GRIP1: variants seen among roughly 807,000 people sequenced by gnomAD.
GRIP1 encodes the protein glutamate receptor interacting protein 1, also known as glutamate receptor-interacting protein 1.
In GRIP1, 45 loss-of-function variants were observed where a neutral mutation model predicts 129.9. That is an observed-to-expected ratio of 0.35 (90% CI 0.27 to 0.44). The LOEUF (loss-of-function observed/expected upper bound fraction) is 0.44, where lower values mean the gene tolerates loss of function less well. Ranked by LOEUF, GRIP1 falls within the 20% of genes least tolerant of loss-of-function variation. The probability of loss-of-function intolerance (pLI) is 1.00; values close to 1 mark genes in which losing one functional copy is unlikely to be tolerated. For missense variants in GRIP1, 1,196 were observed against 1,396.8 expected, an observed-to-expected ratio of 0.86 and a Z score of 2.29; for synonymous variants, 530 against 520.8, an observed-to-expected ratio of 1.02 and a Z score of -0.24.
chr12:66,885,092 C>T (rs966337371), intron 1 of GRIP1, among the ~76,000 whole-genome samples: 4 of 152,166 alleles, frequency 2.6e-5, no homozygotes, highest in African/African-American at 7.2e-5. Context: ...TCCAATTAGC[C>T]TGGTGGATCC....
intron 20 of GRIP1, among the ~76,000 whole-genome samples, chr12:66,378,641 G>A (rs987777772): frequency 1.3e-5 from 2 of 151,932 alleles, no homozygotes; most frequent in Non-Finnish European, 2.9e-5. Flanking sequence ...CAGCTACTCG[G>A]GAGGCTGAGA....
chr12:66,633,825 G>A (rs545555348), intron 1 of GRIP1, among the ~76,000 whole-genome samples: 1 of 152,268 alleles, frequency 6.6e-6, no homozygotes, highest in South Asian at 2.1e-4. Context: ...CTATTGGCAA[G>A]GTCTTAACTG....
intron 11 of GRIP1, among the ~76,000 whole-genome samples, chr12:66,449,942 A>G (rs2058732061): frequency 6.6e-6 from 1 of 152,056 alleles, no homozygotes; most frequent in Non-Finnish European, 1.5e-5. Context: ...AGATTATCGG[A>G]CTACTTAATT....
At chr12:66,616,109 A>C (rs996525769) in intron 1 of GRIP1, among the ~76,000 whole-genome samples, 1 of 152,150 alleles carries the variant, frequency 6.6e-6, no homozygotes, top group Non-Finnish European at 1.5e-5. Context: ...CTTCCAGAGA[A>C]TCTGTATAGC....
chr12:66,804,057 A>G, exon 1 of GRIP1: 1 of 453,994 alleles, frequency 2.2e-6, no homozygotes, highest in South Asian at 1.6e-5. Context: ...GCTTACTTCG[A>G]AAATGCTCTG....
intron 1 of GRIP1, among the ~76,000 whole-genome samples, chr12:66,992,990 TG>T (rs1309363971): frequency 6.6e-6 from 1 of 152,130 alleles, no homozygotes; most frequent in Non-Finnish European, 1.5e-5. Flanking sequence ...GGCATGCACC[TG>T]TGGTCCCAGC....
chr12:66,413,334 C>G (rs1214831139), intron 15 of GRIP1, among the ~76,000 whole-genome samples: 1 of 152,148 alleles, frequency 6.6e-6, no homozygotes, highest in Non-Finnish European at 1.5e-5. Flanking sequence ...GGAAATTGAA[C>G]AGCCTGCCCC....
At chr12:66,986,466 G>A (rs963247270) in intron 1 of GRIP1, among the ~76,000 whole-genome samples, 28 of 149,310 alleles carry the variant, frequency 1.9e-4, no homozygotes, top group Middle Eastern at 6.8e-3. Context: ...AAGAAAATGT[G>A]GCACATATAC....
chr12:66,865,311 G>A (rs1485022855), intron 1 of GRIP1, among the ~76,000 whole-genome samples: 1 of 152,060 alleles, frequency 6.6e-6, no homozygotes, highest in African/African-American at 2.4e-5. Context: ...TTACTGTGAT[G>A]AAATTCCTGA....
intron 1 of GRIP1, among the ~76,000 whole-genome samples, chr12:66,752,588 A>G (rs2037163203): frequency 6.6e-6 from 1 of 152,180 alleles, no homozygotes; most frequent in African/African-American, 2.4e-5. Context: ...ATGTGATTTG[A>G]TGGCATAATA....
chr12:66,868,018 G>A (rs1051694687), intron 1 of GRIP1, among the ~76,000 whole-genome samples: 2 of 152,120 alleles, frequency 1.3e-5, no homozygotes, highest in African/African-American at 4.8e-5. Context: ...CAATTGGGAA[G>A]TAACGATTGA....
At chr12:66,723,315 T>TC (rs1565988233) in intron 1 of GRIP1, among the ~76,000 whole-genome samples, 2 of 92,718 alleles carry the variant, frequency 2.2e-5, no homozygotes, top group African/African-American at 1.0e-4. Flanking sequence ...TTTTTTTTTT[T>TC]TTTTTTTTTT....
chr12:66,355,123 T>C (rs2054418644), intron 23 of GRIP1, among the ~76,000 whole-genome samples: 1 of 152,106 alleles, frequency 6.6e-6, no homozygotes, highest in Admixed American at 6.5e-5. Context: ...CCGGTGAAAA[T>C]GCAGTCTCAG....
chr12:66,916,717 G>A (rs1378504752), intron 1 of GRIP1, among the ~76,000 whole-genome samples: 8 of 151,752 alleles, frequency 5.3e-5, no homozygotes, highest in African/African-American at 1.7e-4. Flanking sequence ...TATTAAAGGA[G>A]GCACAATAAG....
chr12:66,557,243 A>G (rs753006832), intron 2 of GRIP1, among the ~76,000 whole-genome samples: 10 of 152,184 alleles, frequency 6.6e-5, no homozygotes, highest in Non-Finnish European at 1.2e-4. Flanking sequence ...GGCTCATTAT[A>G]TAATGATAAA....
rs535564196 is a variant in GRIP1 at position 66,736,624 on chromosome 12, TATCTCAG to T, written c.-420+67422_-420+67428del. 3.8e-3 allele frequency among the ~76,000 whole-genome samples: 579 copies of T among 152,050 alleles called. 3 individuals carry two copies. The highest frequency in any genetic ancestry group is 0.013 in the African/African-American group (559 of 41,450). ...GAGGAAAAGAAGGGGTTGATGTTGC[TATCTCAG>T]GGGTGGCAGAGGTGGAAGAAAATCT... On this transcript the variant is annotated intron_variant, in intron 1 of 4. Coordinates refer to the GRIP1 transcript ENST00000538373.
intron 1 of GRIP1, among the ~76,000 whole-genome samples, chr12:66,980,751 C>G (rs907863768): frequency 2.0e-5 from 3 of 152,164 alleles, no homozygotes; most frequent in Non-Finnish European, 4.4e-5. Context: ...TTGATGACCC[C>G]AGGCAGACTG....
intron 1 of GRIP1, among the ~76,000 whole-genome samples, chr12:66,819,355 T>G (rs951713407): frequency 6.6e-6 from 1 of 152,214 alleles, no homozygotes; most frequent in Non-Finnish European, 1.5e-5. Flanking sequence ...GAAATATTAA[T>G]GTTTTAAAAT....
At position 66,770,595 on chromosome 12, in the gene GRIP1, C is replaced by T. The variant is rs149027421; in HGVS notation, c.-420+33458G>A. Among the ~76,000 whole-genome samples the T allele has an allele frequency of 2.3e-3, 348 of 152,132 alleles. 2 individuals are homozygous for T. The highest frequency in any genetic ancestry group is 7.2e-3 in the African/African-American group (299 of 41,508). On this transcript the variant is annotated intron_variant, in intron 1 of 4. Coordinates refer to the GRIP1 transcript ENST00000538373. ...CTGGGGCAAGCCAATGTTAGAGGCC[C>T]GTAAAGTGGCCAGACACAAGCAGGG... is the stretch of plus-strand genomic sequence containing the variant.
Sources: gnomAD v4.1 joint callset for allele counts (sites outside exome capture counted in the v4.1 genomes callset) on GRCh38, gnomAD v4.1.1 for gene constraint, MANE v1.5 for transcripts, NCBI Gene and HGNC (gene_info 2026-07-23, HGNC 2026-07-21) for gene names.